The following ADAMTSL3 variants were observed in gnomAD, a reference collection of about 807,000 sequenced individuals.
ADAMTSL3 encodes ADAMTS like 3, also known as ADAMTS-like protein 3.
A neutral mutation model predicts 201.7 loss-of-function variants in ADAMTSL3; 128 were observed. The observed-to-expected ratio is 0.63, with a 90% CI of 0.55 to 0.73. ADAMTSL3 has a LOEUF of 0.73. Ranked by LOEUF, ADAMTSL3 falls within the 30% of genes least tolerant of loss-of-function variation. The probability of loss-of-function intolerance (pLI) is 0.00; values close to 1 mark genes in which losing one functional copy is unlikely to be tolerated. For missense variants in ADAMTSL3, 1,990 were observed against 2,119.6 expected, an observed-to-expected ratio of 0.94 and a Z score of 1.20; for synonymous variants, 738 against 748.4, an observed-to-expected ratio of 0.99 and a Z score of 0.23.
chr15:83,891,312 A>G lies in ADAMTSL3; in HGVS notation c.1212-17A>G, dbSNP rs2065494777. 1 of 1,580,624 alleles carries G rather than the reference A, an allele frequency of 6.3e-7. No homozygotes were observed. The highest frequency in any genetic ancestry group is 8.7e-7 in the Non-Finnish European group (1 of 1,150,464). On this transcript the variant is annotated splice_polypyrimidine_tract_variant and intron_variant, in intron 11 of 29. Transcript: ENST00000286744. ...TTTATTATAGAAATGATATTCTCAC[A>G]ATGATTTCATTTGTAGTGATGGATT...
At chr15:83,685,831 C>T (rs1189831803) in intron 2 of ADAMTSL3, among the ~76,000 whole-genome samples, 2 of 152,114 alleles carry the variant, frequency 1.3e-5, no homozygotes, top group South Asian at 2.1e-4. Context: ...CCTGGCATGT[C>T]ATAGTCATTT....
At position 83,892,711 on chromosome 15, in the gene ADAMTSL3, T is replaced by C; in HGVS notation, c.1290T>C (p.Cys430=). 6.2e-7 allele frequency: 1 copy of C among 1,614,018 alleles called. No individual in the cohort carries two copies. Among genetic ancestry groups the C allele is most frequent in the Non-Finnish European group, 8.5e-7 (1 of 1,179,972 alleles). The change falls in exon 13 of 30, where the codon TGT becomes TGC. Residue 430 remains cysteine, a synonymous_variant. Transcript: ENST00000286744. ...PRWEHNPWTA[C]SVSCGGGIQR... The stretch of plus-strand genomic sequence containing the variant: ...GGGAACATAATCCTTGGACTGCATG[T>C]TCCGTGTCCTGTGGAGGAGGGATTC...
intron 5 of ADAMTSL3, among the ~76,000 whole-genome samples, chr15:83,807,839 C>A (rs1219250848): frequency 1.3e-5 from 2 of 152,166 alleles, no homozygotes; most frequent in Non-Finnish European, 2.9e-5. Context: ...AGTCCACATA[C>A]CTACAGCCAA....
intron 25 of ADAMTSL3, among the ~76,000 whole-genome samples, chr15:84,020,145 G>A (rs4842930): frequency 0.83 from 126,424 of 152,004 alleles, 52,923 homozygotes; most frequent in East Asian, 0.95. Flanking sequence ...AATTTATTGT[G>A]TATGAATTAT....
At chr15:83,757,924 G>T (rs2062747159) in intron 3 of ADAMTSL3, among the ~76,000 whole-genome samples, 1 of 152,138 alleles carries the variant, frequency 6.6e-6, no homozygotes, top group African/African-American at 2.4e-5. Flanking sequence ...CTTTGCTCTA[G>T]TTCCCAACAA....
At chr15:83,808,256 A>G (rs1378121932) in intron 5 of ADAMTSL3, among the ~76,000 whole-genome samples, 2 of 152,218 alleles carry the variant, frequency 1.3e-5, no homozygotes, top group Admixed American at 1.3e-4. Context: ...TTTAGAATAT[A>G]TAAGGAATTC....
At chr15:83,914,848 G>GTT (rs2066001709) in intron 16 of ADAMTSL3, among the ~76,000 whole-genome samples, 1 of 68,468 alleles carries the variant, frequency 1.5e-5, no homozygotes, top group Non-Finnish European at 2.8e-5. Flanking sequence ...TGTTTGTTTG[G>GTT]TTTTGTTTGT....
chr15:83,803,507 G>C (rs1451058244), intron 4 of ADAMTSL3, among the ~76,000 whole-genome samples: 2 of 152,160 alleles, frequency 1.3e-5, no homozygotes, highest in East Asian at 3.9e-4. Context: ...CTCCAAATTT[G>C]CCATTGAATT....
chr15:83,801,651 A>AATATATATAT (rs68098545), intron 4 of ADAMTSL3, among the ~76,000 whole-genome samples: 558 of 30,752 alleles, frequency 0.018, 49 homozygotes, highest in Non-Finnish European at 0.025. Flanking sequence ...TATAAATATA[A>AATATATATAT]ATATATATAT....
At chr15:83,755,779 A>G (rs1338390628) in intron 3 of ADAMTSL3, among the ~76,000 whole-genome samples, 2 of 150,484 alleles carry the variant, frequency 1.3e-5, no homozygotes, top group East Asian at 3.9e-4. Flanking sequence ...TTTTTGAGAC[A>G]TTCTTACTCT....
At chr15:83,794,069 A>G (rs2063384902) in intron 4 of ADAMTSL3, among the ~76,000 whole-genome samples, 1 of 152,202 alleles carries the variant, frequency 6.6e-6, no homozygotes, top group Non-Finnish European at 1.5e-5. Flanking sequence ...TATGTTCAAC[A>G]CTACTGGCTA....
chr15:83,801,657 T>C (rs28384308), intron 4 of ADAMTSL3, among the ~76,000 whole-genome samples: 1 of 33,138 alleles, frequency 3.0e-5, no homozygotes, highest in African/African-American at 1.1e-4. Flanking sequence ...TATAAATATA[T>C]ATATATATAT....
intron 3 of ADAMTSL3, among the ~76,000 whole-genome samples, chr15:83,763,934 A>C (rs990334196): frequency 2.6e-5 from 4 of 152,206 alleles, no homozygotes; most frequent in African/African-American, 4.8e-5. Context: ...TTATCAGGTA[A>C]ACTGCTCTCA....
At chr15:83,770,303 A>G (rs1040226919) in intron 3 of ADAMTSL3, among the ~76,000 whole-genome samples, 2 of 152,222 alleles carry the variant, frequency 1.3e-5, no homozygotes, top group African/African-American at 4.8e-5. Flanking sequence ...GCATTTAACA[A>G]TTTATCATAT....
intron 3 of ADAMTSL3, among the ~76,000 whole-genome samples, chr15:83,752,923 A>C (rs1264694153): frequency 1.3e-5 from 2 of 152,124 alleles, no homozygotes; most frequent in African/African-American, 4.8e-5. Context: ...AGCTCAATTG[A>C]CACCTTCCCT....
At chr15:83,767,178 T>A (rs1259680140) in intron 3 of ADAMTSL3, among the ~76,000 whole-genome samples, 2 of 152,196 alleles carry the variant, frequency 1.3e-5, no homozygotes, top group African/African-American at 2.4e-5. Flanking sequence ...AAAATGGGGA[T>A]GGTGATATCT....
intron 28 of ADAMTSL3, among the ~76,000 whole-genome samples, chr15:84,036,041 TC>T (rs2068499221): frequency 1.3e-5 from 2 of 152,140 alleles, no homozygotes; most frequent in Non-Finnish European, 2.9e-5. Flanking sequence ...CTTCCAGTCA[TC>T]TTTGGAACTG....
At chr15:83,851,426 A>G (rs531147966) in intron 7 of ADAMTSL3, among the ~76,000 whole-genome samples, 16 of 152,262 alleles carry the variant, frequency 1.1e-4, no homozygotes, top group East Asian at 3.9e-4. Context: ...CAATGGGACA[A>G]TGGTTGGAAT....
chr15:83,947,725 C>T (rs773290867), intron 19 of ADAMTSL3, among the ~76,000 whole-genome samples: 5 of 152,164 alleles, frequency 3.3e-5, no homozygotes, highest in African/African-American at 4.8e-5. Flanking sequence ...TCTTCCAAAT[C>T]TCAAAAAGCC....
Sources: gnomAD v4.1 joint callset for allele counts (sites outside exome capture counted in the v4.1 genomes callset) on GRCh38, gnomAD v4.1.1 for gene constraint, MANE v1.5 for transcripts, NCBI Gene and HGNC (gene_info 2026-07-23, HGNC 2026-07-21) for gene names.